The following SEPTIN9 variants were observed in gnomAD, a reference collection of about 807,000 sequenced individuals.
SEPTIN9 encodes the protein septin-9.
Under a neutral mutation model 56.6 loss-of-function variants are expected in SEPTIN9, and 13 were observed. That is an observed-to-expected ratio of 0.23 (90% CI 0.15 to 0.37). SEPTIN9 has a LOEUF of 0.37. SEPTIN9 is among the 10% of genes least tolerant of loss of function. The pLI is 1.00. For synonymous variants in SEPTIN9, 332 were observed against 334.1 expected (o/e 0.99, Z 0.07); for missense variants, 650 against 823.1 (o/e 0.79, Z 2.57).
Position 77,492,556 on chromosome 17 carries a change from A to C in SEPTIN9, c.1381-65A>C. On this transcript the variant is annotated intron_variant, in intron 8 of 11. Coordinates refer to ENST00000427177, the MANE Select transcript of SEPTIN9 (RefSeq NM_001113491.2). This position sits in a 1 kb window ranked among gnomAD's most constrained non-coding sequence, Gnocchi z 5.4. ...GCACACAGTGTGGAGGTCATGTGGC[A>C]AACACCAGTGGGTGGGTAGAGCTTG... 6.8e-7 allele frequency: 1 copy of C among 1,464,896 alleles called. No individual in the cohort carries two copies. Among genetic ancestry groups the C allele is most frequent in the East Asian group, 2.3e-5 (1 of 44,146 alleles). 90.7% of individuals were successfully genotyped at this position (1,464,896 alleles called of 1,614,324 possible). A position where few individuals can be genotyped will look rare whatever the true frequency, so the allele number is the denominator to read the frequency against.
chr17:77,485,953 C>T (rs1333112616), intron 4 of SEPTIN9, among the ~76,000 whole-genome samples: 1 of 151,756 alleles, frequency 6.6e-6, no homozygotes, highest in Non-Finnish European at 1.5e-5. Context: ...ATTCTCGTGC[C>T]TCAGGCATGT....
chr17:77,427,437 A>G (rs2036954722), intron 3 of SEPTIN9, among the ~76,000 whole-genome samples: 1 of 152,138 alleles, frequency 6.6e-6, no homozygotes, highest in Non-Finnish European at 1.5e-5. Flanking sequence ...AAAAATAGCT[A>G]GACTGGGTTT....
Position 77,330,263 on chromosome 17 carries a change from C to T in SEPTIN9, c.76+23066C>T, listed in dbSNP as rs1339721364. ...CTGCTGCTCCGGGTGCCTCTGGGGGCGGGCCCCCACCTCACATTGTGGAGC... is the reference window on the plus strand; with the variant it reads ...CTGCTGCTCCGGGTGCCTCTGGGGGTGGGCCCCCACCTCACATTGTGGAGC... On this transcript the variant is annotated intron_variant, in intron 2 of 11. Transcript: ENST00000427177. The surrounding 1 kb of genome is among the most constrained non-coding windows in gnomAD (Gnocchi z 4.4). Among the ~76,000 whole-genome samples, 2 of 152,206 alleles carry T rather than the reference C, an allele frequency of 1.3e-5. No homozygotes were observed. Among genetic ancestry groups the T allele is most frequent in the South Asian group, 2.1e-4 (1 of 4,834 alleles).
intron 3 of SEPTIN9, among the ~76,000 whole-genome samples, chr17:77,409,600 G>C (rs1297656062): frequency 2.0e-5 from 3 of 152,206 alleles, no homozygotes; most frequent in African/African-American, 7.2e-5. Context: ...CTGGCCCCAG[G>C]ATGGAGCCCC....
intron 3 of SEPTIN9, among the ~76,000 whole-genome samples, chr17:77,466,002 C>T (rs2038703211): frequency 6.7e-6 from 1 of 150,332 alleles, no homozygotes; most frequent in African/African-American, 2.4e-5. Context: ...GTGGGCAGGT[C>T]TCCCAGGGCC....
intron 3 of SEPTIN9, among the ~76,000 whole-genome samples, chr17:77,459,491 G>A (rs939417698): frequency 1.3e-5 from 2 of 152,240 alleles, no homozygotes; most frequent in Non-Finnish European, 2.9e-5. Flanking sequence ...CAGGCACACT[G>A]TGGGGTCCAG....
At chr17:77,332,783 T>G (rs1169840097) in intron 2 of SEPTIN9, among the ~76,000 whole-genome samples, 1 of 152,224 alleles carries the variant, frequency 6.6e-6, no homozygotes, top group Non-Finnish European at 1.5e-5. Flanking sequence ...GCTACCCATG[T>G]TGCTGCAGGT....
At chr17:77,355,199 C>G (rs576519305) in intron 2 of SEPTIN9, among the ~76,000 whole-genome samples, 1 of 152,132 alleles carries the variant, frequency 6.6e-6, no homozygotes, top group Non-Finnish European at 1.5e-5. Flanking sequence ...GTTTTCATTC[C>G]GTGGCCCAGC....
chr17:77,492,953 A>G lies in SEPTIN9; in HGVS notation c.1477-27A>G, dbSNP rs1478018021. 1.9e-6 allele frequency: 3 copies of G among 1,549,646 alleles called. No homozygotes were observed. Among genetic ancestry groups the G allele is most frequent in the Non-Finnish European group, 2.6e-6 (3 of 1,143,732 alleles). Reference sequence around the variant, plus strand: ...GGGAATTGCCTTCCCGCACATGTGTAACCAATACCGTCTGCCCGTTCCCCA... The same window carrying G: ...GGGAATTGCCTTCCCGCACATGTGTGACCAATACCGTCTGCCCGTTCCCCA... On this transcript the variant is annotated intron_variant, in intron 9 of 11. Coordinates refer to ENST00000427177, the MANE Select transcript of SEPTIN9 (RefSeq NM_001113491.2). The surrounding 1 kb of genome is among the most constrained non-coding windows in gnomAD (Gnocchi z 5.4).
intron 2 of SEPTIN9, among the ~76,000 whole-genome samples, chr17:77,364,598 G>C (rs1009248738): frequency 6.6e-6 from 1 of 152,224 alleles, no homozygotes; most frequent in Non-Finnish European, 1.5e-5. Context: ...AGTGAGGAGA[G>C]GGGGGCAGGA....
chr17:77,414,935 C>T (rs2036446167), intron 3 of SEPTIN9, among the ~76,000 whole-genome samples: 1 of 152,140 alleles, frequency 6.6e-6, no homozygotes, highest in Non-Finnish European at 1.5e-5. Context: ...TCTGGCTTCT[C>T]CACTTGGTGT....
rs1289263951 is a variant in SEPTIN9 at position 77,451,404 on chromosome 17, G to A, written c.722-30740G>A. 56 of 985,542 alleles carry A rather than the reference G, an allele frequency of 5.7e-5. No homozygotes were observed. Among genetic ancestry groups the A allele is most frequent in the Non-Finnish European group, 6.3e-5 (52 of 830,094 alleles). 61.0% of individuals were successfully genotyped at this position (985,542 alleles called of 1,614,324 possible). A position where few individuals can be genotyped will look rare whatever the true frequency, so the allele number is the denominator to read the frequency against. Reference sequence around the variant, plus strand: ...CCTCCCTACCTCTGCCCCGCGCTCTGGGAGGCTCCTTGTTCCGCGACCACA... The same window carrying A: ...CCTCCCTACCTCTGCCCCGCGCTCTAGGAGGCTCCTTGTTCCGCGACCACA... On this transcript the variant is annotated intron_variant, in intron 3 of 11. Coordinates refer to ENST00000427177, the MANE Select transcript of SEPTIN9 (RefSeq NM_001113491.2). This position sits in a 1 kb window ranked among gnomAD's most constrained non-coding sequence, Gnocchi z 4.2.
chr17:77,484,652 GTGGTGGTGATTGTGA>G (rs2039621967), intron 4 of SEPTIN9, among the ~76,000 whole-genome samples: 1 of 143,444 alleles, frequency 7.0e-6, no homozygotes, highest in Non-Finnish European at 1.5e-5. Flanking sequence ...GATGGGGGTG[GTGGTGGTGATTGTGA>G]TGGTGGTGAT....
At chr17:77,372,636 C>A (rs1357322085) in intron 2 of SEPTIN9, among the ~76,000 whole-genome samples, 7 of 152,216 alleles carry the variant, frequency 4.6e-5, no homozygotes, top group Admixed American at 1.3e-4. Flanking sequence ...CTCTGACAGC[C>A]GTGTTCCATC....
At chr17:77,485,140 GTGA>G (rs2039700378) in intron 4 of SEPTIN9, among the ~76,000 whole-genome samples, 1 of 151,124 alleles carries the variant, frequency 6.6e-6, no homozygotes, top group Non-Finnish European at 1.5e-5. Flanking sequence ...GGTGGTGGTG[GTGA>G]TTGTGATGGG....
chr17:77,486,136 A>T (rs1275217749), intron 4 of SEPTIN9, among the ~76,000 whole-genome samples: 1 of 149,726 alleles, frequency 6.7e-6, no homozygotes, highest in Non-Finnish European at 1.5e-5. Flanking sequence ...TTTTTAAAAG[A>T]CAGGGTCTCT....
chr17:77,429,662 G>T lies in SEPTIN9; in HGVS notation c.721+26959G>T, dbSNP rs777684173. 5.9e-5 allele frequency among the ~76,000 whole-genome samples: 9 copies of T among 152,130 alleles called. No homozygotes were observed. Among genetic ancestry groups the T allele is most frequent in the Non-Finnish European group, 8.8e-5 (6 of 68,020 alleles). Reference sequence around the variant, plus strand: ...AGATGGGGATAATGAGCTGGAGGGTGCTGGGCAGGAGCTGGCCAGTAATAG... The same window carrying T: ...AGATGGGGATAATGAGCTGGAGGGTTCTGGGCAGGAGCTGGCCAGTAATAG... On this transcript the variant is annotated intron_variant, in intron 3 of 11. Transcript: ENST00000427177. The surrounding 1 kb of genome is among the most constrained non-coding windows in gnomAD (Gnocchi z 5.2).
intron 3 of SEPTIN9, among the ~76,000 whole-genome samples, chr17:77,416,428 G>A (rs1010959400): frequency 6.6e-6 from 1 of 152,238 alleles, no homozygotes; most frequent in African/African-American, 2.4e-5. Flanking sequence ...CCTCTGAACG[G>A]AGTGTGATGA....
At chr17:77,287,790 C>T (rs1177691599) in intron 1 of SEPTIN9, 14 of 772,002 alleles carry the variant, frequency 1.8e-5, no homozygotes, top group Non-Finnish European at 2.1e-5. Flanking sequence ...CCAGCCTAAT[C>T]TGACCTGGTT....
Sources: gnomAD v4.1 joint callset for allele counts (sites outside exome capture counted in the v4.1 genomes callset) on GRCh38, gnomAD v4.1.1 for gene constraint, Gnocchi (gnomAD v3.1) non-coding constraint, MANE v1.5 for transcripts, NCBI Gene and HGNC (gene_info 2026-07-23, HGNC 2026-07-21) for gene names.